The following SLC16A12 variants were observed in gnomAD, a reference collection of about 807,000 sequenced individuals.
SLC16A12 encodes monocarboxylate transporter 12.
SLC16A12 carries 17 observed loss-of-function variants against 42.4 expected under a neutral mutation model. The observed-to-expected ratio is 0.40, with a 90% CI of 0.27 to 0.60. SLC16A12 has a LOEUF of 0.60. Ranked by LOEUF, SLC16A12 falls within the 20% of genes least tolerant of loss-of-function variation. The pLI, the probability that SLC16A12 is intolerant of heterozygous loss-of-function variation, is 0.42. For missense variants in SLC16A12, 544 were observed against 623.0 expected, an observed-to-expected ratio of 0.87 and a Z score of 1.35; for synonymous variants, 224 against 229.4, an observed-to-expected ratio of 0.98 and a Z score of 0.21.
intron 2 of SLC16A12, among the ~76,000 whole-genome samples, chr10:89,483,738 TAA>T (rs1253654983): frequency 1.3e-3 from 81 of 62,312 alleles, no homozygotes; most frequent in Non-Finnish European, 1.9e-3. Context: ...ACGCTGCCTC[TAA>T]AAAAAAAAAA....
chr10:89,457,543 G>C (rs764206267), intron 3 of SLC16A12, among the ~76,000 whole-genome samples: 16 of 152,216 alleles, frequency 1.1e-4, no homozygotes, highest in Non-Finnish European at 2.4e-4. Flanking sequence ...ATATAGATTA[G>C]TTCAACCATT....
rs189035366 is a variant in SLC16A12 at position 89,503,767 on chromosome 10, C to A, written c.-47+30734G>T. Among the ~76,000 whole-genome samples, 199 of 152,210 alleles carry A rather than the reference C, an allele frequency of 1.3e-3. 2 individuals are homozygous for A. Among genetic ancestry groups the A allele is most frequent in the Non-Finnish European group, 8.2e-4 (56 of 68,004 alleles). On this transcript the variant is annotated intron_variant, in intron 2 of 7. Transcript: ENST00000371790. ...GGTGGAGTCCGCAATTGTTCCCATACAATTTGGGCCACAGAGGCCACTGTA... is the reference window on the plus strand; with the variant it reads ...GGTGGAGTCCGCAATTGTTCCCATAAAATTTGGGCCACAGAGGCCACTGTA...
At chr10:89,518,392 C>T (rs1454806376) in intron 2 of SLC16A12, among the ~76,000 whole-genome samples, 4 of 152,200 alleles carry the variant, frequency 2.6e-5, no homozygotes, top group East Asian at 1.9e-4. Flanking sequence ...CGTGCCCTAA[C>T]CCCAGCAGCT....
intron 2 of SLC16A12, among the ~76,000 whole-genome samples, chr10:89,523,308 C>T (rs771343935): frequency 2.6e-5 from 4 of 152,218 alleles, no homozygotes; most frequent in Non-Finnish European, 4.4e-5. Flanking sequence ...CTCTAAGGTC[C>T]TGTCTATACT....
chr10:89,477,564 C>CAAAAAAAAAAAAA (rs34204051), intron 2 of SLC16A12, among the ~76,000 whole-genome samples: 1 of 49,258 alleles, frequency 2.0e-5, no homozygotes, highest in East Asian at 6.6e-4. Context: ...AACTCTGTCT[C>CAAAAAAAAAAAAA]AAAAAAAAAA....
intron 2 of SLC16A12, among the ~76,000 whole-genome samples, chr10:89,501,649 G>A (rs1842992014): frequency 6.6e-6 from 1 of 152,192 alleles, no homozygotes; most frequent in Non-Finnish European, 1.5e-5. Context: ...TACTCAGGAG[G>A]CTGAGGCATG....
intron 2 of SLC16A12, among the ~76,000 whole-genome samples, chr10:89,476,340 T>C (rs938359325): frequency 1.3e-5 from 2 of 152,202 alleles, no homozygotes; most frequent in African/African-American, 4.8e-5. Context: ...CCATCCGCCA[T>C]GCTGTTGAAA....
chr10:89,549,807 G>A (rs1843760320), intron 2 of SLC16A12, among the ~76,000 whole-genome samples: 1 of 152,124 alleles, frequency 6.6e-6, no homozygotes, highest in Non-Finnish European at 1.5e-5. Flanking sequence ...AGCCAGCATT[G>A]TAACAAGCTT....
rs140701007 is a variant in SLC16A12 at position 89,451,201 on chromosome 10, T to G, written c.201-7342A>C. 4.9e-4 allele frequency among the ~76,000 whole-genome samples: 75 copies of G among 152,302 alleles called. 1 individual carries two copies. In the East Asian group the frequency reaches 0.014, roughly 28 times the overall value. On this transcript the variant is annotated intron_variant, in intron 3 of 7. Transcript: ENST00000371790. ...TTAATTGTGCTTTAACAATCCATAG[T>G]AACCTGTTATGTTCACTCTCCCTCT...
intron 3 of SLC16A12, among the ~76,000 whole-genome samples, chr10:89,453,475 TATA>T (rs1162654508): frequency 3.3e-5 from 5 of 152,210 alleles, no homozygotes; most frequent in Non-Finnish European, 5.9e-5. Context: ...TTCATAAGAT[TATA>T]ATATCATATT....
intron 5 of SLC16A12, among the ~76,000 whole-genome samples, chr10:89,440,840 G>C (rs1298177619): frequency 6.6e-6 from 1 of 152,164 alleles, no homozygotes; most frequent in Non-Finnish European, 1.5e-5. Context: ...TGTTTCTTCT[G>C]AGTACAGAAT....
intron 6 of SLC16A12, 29 bp from the exon 7 acceptor site, chr10:89,436,348 C>T: frequency 6.2e-7 from 1 of 1,613,642 alleles, no homozygotes; most frequent in Non-Finnish European, 8.5e-7. Flanking sequence ...AGAATAAGTG[C>T]AGGAGGTACA....
intron 2 of SLC16A12, among the ~76,000 whole-genome samples, chr10:89,519,481 C>T (rs560928920): frequency 2.0e-5 from 3 of 152,174 alleles, no homozygotes; most frequent in South Asian, 2.1e-4. Context: ...GGGATCCCAG[C>T]GTGAGAACCG....
intron 2 of SLC16A12, among the ~76,000 whole-genome samples, chr10:89,546,289 C>T (rs564435661): frequency 1.2e-3 from 175 of 151,980 alleles, no homozygotes; most frequent in African/African-American, 4.0e-3. Flanking sequence ...GCAATCTACC[C>T]ATCTGACAAA....
intron 2 of SLC16A12, among the ~76,000 whole-genome samples, chr10:89,474,342 A>C (rs1842543952): frequency 6.6e-6 from 1 of 152,172 alleles, no homozygotes; most frequent in African/African-American, 2.4e-5. Flanking sequence ...ATGCATGCAC[A>C]CACACGCACC....
At chr10:89,504,543 C>T (rs1021170166) in intron 2 of SLC16A12, among the ~76,000 whole-genome samples, 1 of 152,160 alleles carries the variant, frequency 6.6e-6, no homozygotes, top group East Asian at 1.9e-4. Flanking sequence ...CAAGTTGGTA[C>T]ATACGGAACC....
At chr10:89,473,071 G>C (rs1053514506) in intron 2 of SLC16A12, among the ~76,000 whole-genome samples, 1 of 150,552 alleles carries the variant, frequency 6.6e-6, no homozygotes, top group Non-Finnish European at 1.5e-5. Flanking sequence ...CTCCTGCTTC[G>C]GCCTCCCAAA....
At chr10:89,535,610 C>A (rs1255699333), upstream of SLC16A12, 1 of 152,416 alleles carries the variant, frequency 6.6e-6, no homozygotes. Flanking sequence ...CCGCCCAGAG[C>A]GCGCAGACCA....
rs1188463602 is a variant in SLC16A12 at position 89,462,524 on chromosome 10, A to C, written c.55T>G (p.Leu19Val). The C allele has an allele frequency of 1.2e-6, 2 of 1,613,586 alleles. No homozygotes were observed. The highest frequency in any genetic ancestry group is 1.7e-6 in the Non-Finnish European group (2 of 1,179,902). Residue 19 changes from leucine to valine, a missense_variant, in exon 3 of 8, where the codon TTG becomes GTG. Physicochemically the swap from Leu to Val is conservative, Grantham distance 32. Coordinates refer to ENST00000371790, the MANE Select transcript of SLC16A12 (RefSeq NM_213606.4). ...ANSSKIITWL[L>V]EQPGKEEKRK... is the part of the protein sequence containing the mutation. The stretch of plus-strand genomic sequence containing the variant: ...TTTTCTTCTTTTCCAGGTTGCTCCA[A>C]CAGCCAAGTTATGATCTTGGAAGAG...
Sources: allele counts gnomAD v4.1 joint callset (sites outside exome capture counted in the v4.1 genomes callset), GRCh38; gene constraint gnomAD v4.1.1; transcripts MANE v1.5; gene names NCBI Gene and HGNC (gene_info 2026-07-23, HGNC 2026-07-21).